The following VWA5B1 variants were observed in gnomAD, a reference collection of about 807,000 sequenced individuals.
VWA5B1 encodes von Willebrand factor A domain-containing protein 5B1.
A neutral mutation model predicts 118.2 loss-of-function variants in VWA5B1; 115 were observed. The observed-to-expected ratio is 0.97, with a 90% CI of 0.84 to 1.14. The LOEUF is 1.14. Among genes scored for constraint, VWA5B1 ranks in the 50% most tolerant of loss-of-function variants. The pLI is 0.00. For missense variants in VWA5B1, 1,596 were observed against 1,603.8 expected (o/e 1.00, Z 0.08); for synonymous variants, 682 against 658.4 (o/e 1.04, Z -0.55).
At chr1:20,326,163 C>T (rs143798232) in intron 8 of VWA5B1, among the ~76,000 whole-genome samples, 44 of 152,128 alleles carry the variant, frequency 2.9e-4, no homozygotes, top group African/African-American at 9.2e-4. Context: ...AATGTATTGA[C>T]GCAAGCAATG....
intron 2 of VWA5B1, among the ~76,000 whole-genome samples, chr1:20,311,370 T>A (rs2088843441): frequency 6.6e-6 from 1 of 152,220 alleles, no homozygotes; most frequent in Admixed American, 6.5e-5. Context: ...CAAGACTCAG[T>A]CAAAGCCAGG....
At chr1:20,325,044 T>C (rs1256317933) in intron 8 of VWA5B1, among the ~76,000 whole-genome samples, 5 of 152,136 alleles carry the variant, frequency 3.3e-5, no homozygotes, top group African/African-American at 4.8e-5. Context: ...ACCTAAAACA[T>C]GCCTTAGGGA....
At chr1:20,324,343 C>T (rs970102808) in intron 8 of VWA5B1, among the ~76,000 whole-genome samples, 5 of 152,294 alleles carry the variant, frequency 3.3e-5, no homozygotes, top group South Asian at 2.1e-4. Context: ...ATCCTCCCCC[C>T]TCACAATCCA....
intron 4 of VWA5B1, among the ~76,000 whole-genome samples, chr1:20,315,608 T>G (rs1268069300): frequency 6.6e-6 from 1 of 152,140 alleles, no homozygotes; most frequent in Admixed American, 6.5e-5. Flanking sequence ...GAATGAAGGG[T>G]GCAAGCCATG....
chr1:20,324,386 A>T (rs1483491890), intron 8 of VWA5B1, among the ~76,000 whole-genome samples: 1 of 151,338 alleles, frequency 6.6e-6, no homozygotes, highest in African/African-American at 2.4e-5. Context: ...CCCCACCCCC[A>T]GGAGATTACT....
chr1:20,353,626 G>A, intron 21 of VWA5B1, 131 bp from the exon 22 acceptor site: 3 of 1,220,774 alleles, frequency 2.5e-6, no homozygotes, highest in Non-Finnish European at 3.3e-6. Flanking sequence ...ATGCTCAATT[G>A]ACCTGGGTAT....
At chr1:20,350,127 GTCC>G in intron 18 of VWA5B1, 26 bp from the exon 19 acceptor site, 4 of 1,549,374 alleles carry the variant, frequency 2.6e-6, no homozygotes, top group Non-Finnish European at 3.5e-6. Context: ...GAGGGGAGAG[GTCC>G]AGCCTCACTG....
In VWA5B1 at chr1:20,352,051, A is replaced by G; in HGVS notation, c.3024-4A>G. The G allele has an allele frequency of 2.3e-5, 36 of 1,550,052 alleles. No individual in the cohort carries two copies. The highest frequency in any genetic ancestry group is 3.1e-5 in the Non-Finnish European group (36 of 1,146,242). On this transcript the variant is annotated splice_polypyrimidine_tract_variant and splice_region_variant and intron_variant, in intron 20 of 21. Coordinates refer to ENST00000289815, the MANE Select transcript of VWA5B1 (RefSeq NM_001039500.3). ...CCCAGGGCCACCTGACTTCACCTGC[A>G]CAGGCTAAATCTCAACAAGTCCAGG...
intron 7 of VWA5B1, among the ~76,000 whole-genome samples, chr1:20,322,268 C>T (rs1357708172): frequency 6.6e-6 from 1 of 151,952 alleles, no homozygotes; most frequent in African/African-American, 2.4e-5. Context: ...GGAAGGAACC[C>T]AAATAGACAG....
intron 1 of VWA5B1, among the ~76,000 whole-genome samples, chr1:20,297,885 T>G (rs1196149029): frequency 6.6e-6 from 1 of 151,794 alleles, no homozygotes; most frequent in Non-Finnish European, 1.5e-5. Context: ...CGTATTTTGC[T>G]CCTATTCATA....
intron 5 of VWA5B1, 51 bp downstream of exon 5, chr1:20,317,726 A>G (rs945244519): frequency 1.1e-6 from 1 of 898,202 alleles, no homozygotes; most frequent in Non-Finnish European, 1.7e-6. Flanking sequence ...CGAAAAGCCA[A>G]AGGCTGCCAG....
Position 20,314,342 on chromosome 1 carries a change from G to A in VWA5B1, c.313G>A (p.Val105Ile), listed in dbSNP as rs962281450. The stretch of plus-strand genomic sequence containing the variant: ...CTTAGGGAACATTCTGCAAGACGGG[G>A]TTTCCATAGCCCCTCATTCCTGCAC... ...TVTGNILQDG[V>I]SIAPHSCTPG... Residue 105 changes from valine (V) to isoleucine (I), a missense_variant, in exon 4 of 22, where the codon GTT (valine) becomes ATT (isoleucine). Transcript: ENST00000289815. 5.2e-6 allele frequency: 8 copies of A among 1,551,784 alleles called. No homozygotes were observed. The South Asian group carries it at 8.3e-5, about 16-fold the overall frequency.
Position 20,317,568 on chromosome 1 carries a change from C to G in VWA5B1, c.602C>G (p.Ser201Cys). Residue 201 changes from serine to cysteine, a missense_variant, in exon 5 of 22, where the codon TCC (serine) becomes TGC (cysteine). By Grantham distance (112) the Ser-to-Cys change is moderately radical. Transcript: ENST00000289815. ...RHCFGAWAPG[S>C]WNKLCLATLL... ...TGCTTCGGTGCCTGGGCCCCGGGCT[C>G]CTGGAATAAGTTGTGCCTGGCGACT... The G allele has an allele frequency of 6.4e-7, 1 of 1,551,806 alleles. No homozygotes were observed. The highest frequency in any genetic ancestry group is 8.7e-7 in the Non-Finnish European group (1 of 1,147,016).
At chr1:20,313,047 G>T in intron 3 of VWA5B1, 59 bp downstream of exon 3, 8 of 1,529,814 alleles carry the variant, frequency 5.2e-6, no homozygotes, top group Non-Finnish European at 6.2e-6. Context: ...AGGCTGCCTG[G>T]GCTGGAGCCT....
chr1:20,327,739 G>C (rs914901784), intron 8 of VWA5B1, 151 bp from the exon 9 acceptor site: 8 of 679,854 alleles, frequency 1.2e-5, no homozygotes, highest in Admixed American at 2.5e-5. Flanking sequence ...ATTTCTTGAT[G>C]TGAGGGAAAA....
At chr1:20,350,998 C>T (rs2090118344) in intron 20 of VWA5B1, 72 bp downstream of exon 20, 6 of 1,468,062 alleles carry the variant, frequency 4.1e-6, no homozygotes, top group Non-Finnish European at 5.6e-6. Context: ...GGGGTTTTCC[C>T]TGACTTGGAA....
Position 20,345,571 on chromosome 1 carries a change from C to T in VWA5B1, c.2742C>T (p.Thr914=), listed in dbSNP as rs757706823. Residue 914 remains threonine (T), a synonymous_variant, in exon 17 of 22, where the codon ACC becomes ACT. Transcript: ENST00000289815. The part of the protein sequence containing the change: ...VDVSKSRYLP[T]VVEYPNSGAA... Reference sequence around the variant, plus strand: ...TGAGCAAGAGCCGGTACCTGCCCACCGTGGTGGAGTACCCCAACTCTGGTA... The same window carrying T: ...TGAGCAAGAGCCGGTACCTGCCCACTGTGGTGGAGTACCCCAACTCTGGTA... 1.7e-5 allele frequency: 27 copies of T among 1,550,148 alleles called. No individual in the cohort carries two copies. Among genetic ancestry groups the T allele is most frequent in the East Asian group, 2.4e-5 (1 of 40,878 alleles).
Position 20,327,932 on chromosome 1 carries a change from C to A in VWA5B1, c.1186C>A (p.Leu396Ile). The change falls in exon 9 of 22, where the codon CTC (leucine) becomes ATC (isoleucine). Residue 396 changes from leucine to isoleucine, a missense_variant. Transcript: ENST00000289815. ...CCTTAAGAGCCTCATGCCAGCCTGC[C>A]TCTTCAATATCATTGGGTTTGGATC... ...VALKSLMPAC[L>I]FNIIGFGSTF... is the part of the protein sequence containing the mutation. The A allele has an allele frequency of 1.3e-6, 2 of 1,551,636 alleles. No individual in the cohort carries two copies. The highest frequency in any genetic ancestry group is 1.4e-5 in the African/African-American group (1 of 73,134).
chr1:20,316,983 C>A lies in VWA5B1; in HGVS notation c.564-547C>A, dbSNP rs145317116. ...CCATCCTGGCTAACACAGTGAAGCT[C>A]CATCTCTAGTAAAAACAAAAAAATG... On this transcript the variant is annotated intron_variant, in intron 4 of 21. Transcript: ENST00000289815. Among the ~76,000 whole-genome samples, 465 of 145,856 alleles carry A rather than the reference C, an allele frequency of 3.2e-3. 2 individuals are homozygous for A. The highest frequency in any genetic ancestry group is 0.011 in the African/African-American group (450 of 40,292).
Sources: allele counts gnomAD v4.1 joint callset (sites outside exome capture counted in the v4.1 genomes callset), GRCh38; gene constraint gnomAD v4.1.1; transcripts MANE v1.5; gene names NCBI Gene and HGNC (gene_info 2026-07-23, HGNC 2026-07-21).